ACTR3C: variants seen among roughly 807,000 people sequenced by gnomAD.
ACTR3C encodes actin related protein 3C.
In ACTR3C, 18 loss-of-function variants were observed where a neutral mutation model predicts 26.3. The ratio of observed to expected loss-of-function variants is 0.68; its 90% CI spans 0.47 to 1.01. The LOEUF (loss-of-function observed/expected upper bound fraction) is 1.01, where lower values mean the gene tolerates loss of function less well. Ranked by LOEUF, ACTR3C falls within the 50% of genes least tolerant of loss-of-function variation. ACTR3C has a pLI of 0.00. For missense variants in ACTR3C, 184 were observed against 250.7 expected, an observed-to-expected ratio of 0.73 and a Z score of 1.80; for synonymous variants, 55 against 94.5, an observed-to-expected ratio of 0.58 and a Z score of 2.42.
rs567224428 is a variant in ACTR3C at position 150,297,183 on chromosome 7, G to A, written c.-51-1836C>T. ...AAGAGTCTTCAAGGGAAGAAGGTAC[G>A]ACCCAAGAATTCTATATCTGGCCAC... On this transcript the variant is annotated intron_variant, in intron 1 of 7. Transcript: ENST00000683684. 2.7e-5 allele frequency among the ~76,000 whole-genome samples: 4 copies of A among 146,874 alleles called. No individual in the cohort carries two copies. In the South Asian group the frequency reaches 8.7e-4, roughly 32 times the overall value.
At chr7:150,000,777 C>G in the ACTR3C span, 1 of 139,078 alleles carries the variant, frequency 7.2e-6, no homozygotes, top group African/African-American at 2.6e-5. Flanking sequence ...CAGCCCGCAG[C>G]TCCTGGGAGA....
chr7:150,010,505 C>A, the ACTR3C span, among the ~76,000 whole-genome samples: 1 of 152,074 alleles, frequency 6.6e-6, no homozygotes, highest in African/African-American at 2.4e-5. Context: ...ACCATCCTGG[C>A]CAACATGGTG....
the ACTR3C span, among the ~76,000 whole-genome samples, chr7:150,066,736 G>C: frequency 6.6e-6 from 1 of 152,188 alleles, no homozygotes; most frequent in Admixed American, 6.5e-5. Flanking sequence ...ATAAACACGC[G>C]CTGTGTGATG....
chr7:150,100,942 C>T, the ACTR3C span, among the ~76,000 whole-genome samples: 3 of 151,654 alleles, frequency 2.0e-5, no homozygotes, highest in South Asian at 2.1e-4. Flanking sequence ...TGAGCTCAGG[C>T]GATCCACTTG....
the ACTR3C span, among the ~76,000 whole-genome samples, chr7:150,096,623 C>T: frequency 6.6e-6 from 1 of 151,804 alleles, no homozygotes; most frequent in Non-Finnish European, 1.5e-5. Context: ...CCAGAGAGAT[C>T]ACTAATAGCA....
At chr7:150,100,537 T>C in the ACTR3C span, among the ~76,000 whole-genome samples, 2 of 151,748 alleles carry the variant, frequency 1.3e-5, no homozygotes, top group Admixed American at 1.3e-4. Flanking sequence ...TCATAAAACA[T>C]ATTTGTGCTC....
chr7:149,943,011 G>A, the ACTR3C span, among the ~76,000 whole-genome samples: 1 of 152,130 alleles, frequency 6.6e-6, no homozygotes, highest in Admixed American at 6.5e-5. Flanking sequence ...TGGTGTCATT[G>A]GGTTTGAGAG....
chr7:149,933,004 T>C, the ACTR3C span, among the ~76,000 whole-genome samples: 2 of 147,642 alleles, frequency 1.4e-5, no homozygotes, highest in African/African-American at 5.0e-5. Flanking sequence ...GGTGGAAGGC[T>C]CAGTAGAGAG....
the ACTR3C span, among the ~76,000 whole-genome samples, chr7:150,146,384 A>C: frequency 7.0e-4 from 107 of 152,166 alleles, no homozygotes; most frequent in Non-Finnish European, 1.2e-3. Context: ...CAGCTGTAAG[A>C]CAAAGAGTTC....
the ACTR3C span, among the ~76,000 whole-genome samples, chr7:149,904,972 G>A: frequency 1.3e-5 from 2 of 151,896 alleles, no homozygotes; most frequent in Admixed American, 6.6e-5. Flanking sequence ...GTTGCAATGA[G>A]CCGAGATCAT....
At chr7:150,039,033 T>C in the ACTR3C span, among the ~76,000 whole-genome samples, 21 of 120,602 alleles carry the variant, frequency 1.7e-4, no homozygotes, top group African/African-American at 6.9e-4. Context: ...CTCTCAGTAA[T>C]CCCACGTAAG....
chr7:150,239,538 C>CTATATATA (rs1421039729), downstream of ACTR3C, among the ~76,000 whole-genome samples: 42 of 104,206 alleles, frequency 4.0e-4, no homozygotes, highest in Admixed American at 2.5e-3. Flanking sequence ...CTCTCTCTCT[C>CTATATATA]TCTATATATA....
chr7:150,048,669 G>A, the ACTR3C span, among the ~76,000 whole-genome samples: 3 of 151,818 alleles, frequency 2.0e-5, no homozygotes, highest in Admixed American at 2.0e-4. Flanking sequence ...GCGCTGCGGC[G>A]CCGGGCTCCC....
the ACTR3C span, among the ~76,000 whole-genome samples, chr7:150,039,877 CTCTCAGTCCCCGTGTCGT>C: frequency 1.3e-4 from 17 of 129,308 alleles, no homozygotes; most frequent in East Asian, 1.4e-3. Flanking sequence ...GAGGGGCTCG[CTCTCAGTCCCCGTGTCGT>C]GAGGGGTGCC....
the ACTR3C span, among the ~76,000 whole-genome samples, chr7:149,971,416 A>T: frequency 7.0e-4 from 106 of 152,210 alleles, 7 homozygotes; most frequent in Non-Finnish European, 1.5e-5. Flanking sequence ...CGTTTGATGC[A>T]TTCACACTCA....
chr7:150,205,455 A>C, the ACTR3C span, among the ~76,000 whole-genome samples: 2 of 152,350 alleles, frequency 1.3e-5, no homozygotes, highest in Admixed American at 6.5e-5. Context: ...CTGAGCTCTT[A>C]TCTCTCCCAA....
At chr7:150,035,535 T>A in the ACTR3C span, among the ~76,000 whole-genome samples, 20 of 116,190 alleles carry the variant, frequency 1.7e-4, no homozygotes, top group South Asian at 3.3e-3. Context: ...GGGGGGTGCC[T>A]CCCCCTCCTG....
At chr7:150,115,833 C>A in the ACTR3C span, among the ~76,000 whole-genome samples, 1 of 152,162 alleles carries the variant, frequency 6.6e-6, no homozygotes, top group Non-Finnish European at 1.5e-5. Flanking sequence ...AATGAAGGAC[C>A]ATTCTAGCTT....
chr7:150,203,322 G>A, the ACTR3C span, among the ~76,000 whole-genome samples: 1 of 152,214 alleles, frequency 6.6e-6, no homozygotes, highest in African/African-American at 2.4e-5. Flanking sequence ...GAGCACACAA[G>A]CAATTGCAGT....
Sources: gnomAD v4.1 joint callset for allele counts (sites outside exome capture counted in the v4.1 genomes callset) on GRCh38, gnomAD v4.1.1 for gene constraint, MANE v1.5 for transcripts, NCBI Gene and HGNC (gene_info 2026-07-23, HGNC 2026-07-21) for gene names.